Variants in ADCY9 observed in about 807,000 individuals in gnomAD.
ADCY9 encodes adenylate cyclase type 9.
Under a neutral mutation model 101.5 loss-of-function variants are expected in ADCY9, and 50 were observed. That is an observed-to-expected ratio of 0.49 (90% CI 0.39 to 0.62). The LOEUF (loss-of-function observed/expected upper bound fraction) is 0.62. ADCY9 is among the 20% of genes least tolerant of loss of function. The probability of loss-of-function intolerance (pLI) is 0.00; values close to 1 mark genes in which losing one functional copy is unlikely to be tolerated. For synonymous variants in ADCY9, 905 were observed against 769.3 expected, an observed-to-expected ratio of 1.18 and a Z score of -2.92; for missense variants, 1,662 against 1,800.4, an observed-to-expected ratio of 0.92 and a Z score of 1.39.
At chr16:4,092,305 A>C (rs1444995274) in intron 2 of ADCY9, among the ~76,000 whole-genome samples, 1 of 152,134 alleles carries the variant, frequency 6.6e-6, no homozygotes, top group Non-Finnish European at 1.5e-5. Context: ...AGTAGGAAGA[A>C]ATGTGGCCAG....
chr16:4,062,524 C>G (rs565088043), intron 2 of ADCY9, among the ~76,000 whole-genome samples: 1 of 152,104 alleles, frequency 6.6e-6, no homozygotes, highest in Non-Finnish European at 1.5e-5. Context: ...ACTATGCAAA[C>G]AAAACCATAA....
At chr16:4,058,929 A>G (rs2056757686) in intron 2 of ADCY9, among the ~76,000 whole-genome samples, 1 of 152,226 alleles carries the variant, frequency 6.6e-6, no homozygotes, top group African/African-American at 2.4e-5. Context: ...ATATAATCAA[A>G]AATATGATGA....
At chr16:4,041,103 A>G (rs907065606) in intron 2 of ADCY9, among the ~76,000 whole-genome samples, 1 of 152,200 alleles carries the variant, frequency 6.6e-6, no homozygotes, top group Admixed American at 6.5e-5. Flanking sequence ...AAAGACCAGC[A>G]GGGTCATAAG....
intron 5 of ADCY9, among the ~76,000 whole-genome samples, chr16:3,956,488 C>CTTTGTTTTTTT (rs2055906586): frequency 1.5e-5 from 1 of 68,762 alleles, no homozygotes; most frequent in Non-Finnish European, 2.6e-5. Flanking sequence ...GCGCAATGAG[C>CTTTGTTTTTTT]TTTTTTTTTT....
chr16:4,023,279 A>G (rs920944436), intron 2 of ADCY9, among the ~76,000 whole-genome samples: 2 of 152,240 alleles, frequency 1.3e-5, no homozygotes, highest in Non-Finnish European at 2.9e-5. Context: ...GGCAGGGAGA[A>G]TCCACAAGCA....
intron 2 of ADCY9, among the ~76,000 whole-genome samples, chr16:4,069,132 C>T (rs1476760825): frequency 6.6e-6 from 1 of 152,126 alleles, no homozygotes; most frequent in Non-Finnish European, 1.5e-5. Context: ...TTCTGCAATT[C>T]GTAGTCCCAC....
At chr16:3,980,824 C>T (rs761892028) in intron 7 of ADCY9, among the ~76,000 whole-genome samples, 4 of 152,206 alleles carry the variant, frequency 2.6e-5, no homozygotes, top group African/African-American at 4.8e-5. Flanking sequence ...CAGTCAGCAG[C>T]GGGAAAGATG....
chr16:4,001,008 C>CACACACACACAT lies in ADCY9; in HGVS notation c.1884+6359_1884+6360insATGTGTGTGTGT, dbSNP rs3222326. Among the ~76,000 whole-genome samples the CACACACACACAT allele has an allele frequency of 3.2e-3, 429 of 135,662 alleles. 4 individuals are homozygous for CACACACACACAT. Among genetic ancestry groups the CACACACACACAT allele is most frequent in the South Asian group, 0.012 (53 of 4,328 alleles). 89.0% of individuals were successfully genotyped at this position (135,662 alleles called of 152,430 possible). ...ACACACACACACACACACACACACA[C>CACACACACACAT]ATATATAATTTCTTACTTTGAAATA... On this transcript the variant is annotated intron_variant, in intron 3 of 10. Coordinates refer to ENST00000294016, the MANE Select transcript of ADCY9 (RefSeq NM_001116.4).
intron 6 of ADCY9, among the ~76,000 whole-genome samples, chr16:3,987,851 G>C (rs770977212): frequency 1.3e-5 from 2 of 152,156 alleles, no homozygotes; most frequent in Non-Finnish European, 2.9e-5. Flanking sequence ...AACACTCAGA[G>C]GTTAGGTTTG....
chr16:4,035,061 C>A (rs758179873), intron 2 of ADCY9, among the ~76,000 whole-genome samples: 13 of 152,240 alleles, frequency 8.5e-5, no homozygotes, highest in Non-Finnish European at 1.8e-4. Context: ...GTCTTCTAGA[C>A]AAGCCAAATA....
rs999624639 is a variant in ADCY9, at chr16:4,081,360, C to T, written c.1693+32390G>A. 3.3e-5 allele frequency among the ~76,000 whole-genome samples: 5 copies of T among 152,354 alleles called. No individual in the cohort carries two copies. The South Asian group carries it at 6.2e-4, about 19-fold the overall frequency. On this transcript the variant is annotated intron_variant, in intron 2 of 10. Transcript: ENST00000294016. ...AGAACCAGCAGTGGCTCCATGGCTC[C>T]CTGACTCCAGAGGAGCTGGCCGCAC...
chr16:4,011,378 G>GC (rs2056403358), intron 2 of ADCY9, among the ~76,000 whole-genome samples: 2 of 152,286 alleles, frequency 1.3e-5, no homozygotes, highest in Non-Finnish European at 2.9e-5. Context: ...ACGGGCAGCA[G>GC]GGGGGCGGGA....
intron 2 of ADCY9, among the ~76,000 whole-genome samples, chr16:4,101,098 G>A (rs187579730): frequency 1.3e-5 from 2 of 152,264 alleles, no homozygotes; most frequent in African/African-American, 4.8e-5. Context: ...GGGTACTAGT[G>A]TTTTCTAATA....
At chr16:4,084,702 G>C (rs1241784052) in intron 2 of ADCY9, among the ~76,000 whole-genome samples, 2 of 151,972 alleles carry the variant, frequency 1.3e-5, no homozygotes, top group Non-Finnish European at 2.9e-5. Context: ...CTCCAGCCTG[G>C]ATGACAGAGT....
chr16:3,993,303 A>T (rs1567428425), intron 4 of ADCY9, 103 bp downstream of exon 4: 1 of 1,542,050 alleles, frequency 6.5e-7, no homozygotes, highest in East Asian at 2.3e-5. Context: ...GTTACCCAAG[A>T]GGAGTTACTC....
chr16:4,072,018 T>C (rs539354259), intron 2 of ADCY9, among the ~76,000 whole-genome samples: 9 of 152,340 alleles, frequency 5.9e-5, no homozygotes, highest in African/African-American at 2.2e-4. Context: ...ATCGATGTTA[T>C]ATATCTCACA....
At chr16:4,108,359 C>CCTTTTTTTT (rs1491172269) in intron 2 of ADCY9, among the ~76,000 whole-genome samples, 1 of 53,492 alleles carries the variant, frequency 1.9e-5, no homozygotes, top group Non-Finnish European at 3.9e-5. Context: ...ACCGTTTCTT[C>CCTTTTTTTT]ATTTTTTTTT....
intron 9 of ADCY9, among the ~76,000 whole-genome samples, chr16:3,976,806 C>T (rs1328659365): frequency 1.3e-5 from 2 of 152,130 alleles, no homozygotes; most frequent in African/African-American, 4.8e-5. Flanking sequence ...TACAGGTGCA[C>T]GCCCCCATGC....
At chr16:4,050,713 CAAAAAAAAA>C (rs5815192) in intron 2 of ADCY9, among the ~76,000 whole-genome samples, 3 of 69,660 alleles carry the variant, frequency 4.3e-5, no homozygotes, top group Admixed American at 4.0e-4. Flanking sequence ...AACTCCGTCT[CAAAAAAAAA>C]AAAAAAAAAA....
Sources: gnomAD v4.1 joint callset for allele counts (sites outside exome capture counted in the v4.1 genomes callset) on GRCh38, gnomAD v4.1.1 for gene constraint, MANE v1.5 for transcripts, NCBI Gene and HGNC (gene_info 2026-07-23, HGNC 2026-07-21) for gene names.